The following LRRC49 variants were observed in gnomAD, a reference collection of about 807,000 sequenced individuals.
LRRC49 encodes leucine rich repeat containing 49, also known as leucine-rich repeat-containing protein 49.
Under a neutral mutation model 83.3 loss-of-function variants are expected in LRRC49, and 50 were observed. That is an observed-to-expected ratio of 0.60 (90% CI 0.48 to 0.76). The LOEUF is 0.76. LRRC49 is among the 30% of genes least tolerant of loss of function. The pLI, the probability that LRRC49 is intolerant of heterozygous loss-of-function variation, is 0.00. For missense variants in LRRC49, 704 were observed against 809.1 expected (o/e 0.87, Z 1.58); for synonymous variants, 286 against 283.3 (o/e 1.01, Z -0.10).
intron 12 of LRRC49, 197 bp from the exon 13 acceptor site, chr15:71,009,610 T>C (rs755089826): frequency 2.3e-6 from 1 of 438,492 alleles, no homozygotes; most frequent in Non-Finnish European, 4.0e-6. Flanking sequence ...ATTGGATGGA[T>C]TCCATCAATG....
rs79239232 is a variant in LRRC49, at chr15:70,883,063, C to T, written c.18+9840C>T. Among the ~76,000 whole-genome samples the T allele has an allele frequency of 6.4e-3, 975 of 152,248 alleles. 14 individuals are homozygous for T. The highest frequency in any genetic ancestry group is 0.021 in the African/African-American group (882 of 41,540). ...ACCTAGGCAAGGTGAATCTATAGTC[C>T]AACCTTTTATGAATTCTGCCATATT... is the stretch of plus-strand genomic sequence containing the variant. On this transcript the variant is annotated intron_variant, in intron 2 of 16. Transcript: ENST00000544974.
At chr15:70,908,730 G>A (rs144415341) in intron 5 of LRRC49, 1 of 152,414 alleles carries the variant, frequency 6.6e-6, no homozygotes, top group Admixed American at 6.5e-5. Flanking sequence ...CGTATTAGCA[G>A]AATTCAGGCC....
At chr15:71,006,956 C>T (rs2038480036) in intron 11 of LRRC49, among the ~76,000 whole-genome samples, 1 of 152,020 alleles carries the variant, frequency 6.6e-6, no homozygotes, top group Non-Finnish European at 1.5e-5. Context: ...TATCAGCCTT[C>T]ACCTTTCTAA....
chr15:70,922,327 A>G (rs929975056), intron 7 of LRRC49, among the ~76,000 whole-genome samples: 3 of 152,196 alleles, frequency 2.0e-5, no homozygotes, highest in Non-Finnish European at 4.4e-5. Context: ...ACATATACAC[A>G]GTGGAGTAGT....
At position 71,012,918 on chromosome 15, in the gene LRRC49, C is replaced by A; in HGVS notation, c.1703+5C>A. ...TTCCATTCTGGGTGATGCCAGGTAACCTTTAATTTTTGTAGTTTTTTATAG... is the reference window on the plus strand; with the variant it reads ...TTCCATTCTGGGTGATGCCAGGTAAACTTTAATTTTTGTAGTTTTTTATAG... On this transcript the variant is annotated splice_donor_5th_base_variant and intron_variant, in intron 14 of 15. Coordinates refer to ENST00000260382, the MANE Select transcript of LRRC49 (RefSeq NM_017691.5). The A allele has an allele frequency of 6.3e-7, 1 of 1,582,652 alleles. No individual in the cohort carries two copies. The highest frequency in any genetic ancestry group is 8.6e-7 in the Non-Finnish European group (1 of 1,159,374).
intron 7 of LRRC49, among the ~76,000 whole-genome samples, chr15:70,933,747 TG>T (rs1263227894): frequency 6.6e-6 from 1 of 152,226 alleles, no homozygotes; most frequent in Non-Finnish European, 1.5e-5. Context: ...TGGTTTAGGG[TG>T]GGTCTTTCAA....
intron 14 of LRRC49, among the ~76,000 whole-genome samples, chr15:71,026,421 G>A (rs1330161964): frequency 1.3e-5 from 2 of 152,000 alleles, no homozygotes; most frequent in Admixed American, 6.6e-5. Context: ...TAATCTTTTG[G>A]GTATATACCC....
chr15:70,892,435 G>C, upstream of LRRC49: 1 of 1,536,330 alleles, frequency 6.5e-7, no homozygotes, highest in Non-Finnish European at 8.7e-7. Context: ...TGGCGATCTG[G>C]GGCCCCCAAT....
intron 8 of LRRC49, among the ~76,000 whole-genome samples, chr15:70,948,495 G>GTTT (rs34256149): frequency 1.8e-4 from 25 of 140,730 alleles, no homozygotes; most frequent in East Asian, 4.1e-4. Context: ...CATTAGCAAA[G>GTTT]TTTTTTTTTT....
intron 4 of LRRC49, among the ~76,000 whole-genome samples, chr15:70,904,169 C>T (rs189292564): frequency 1.1e-4 from 16 of 152,122 alleles, no homozygotes; most frequent in Admixed American, 3.3e-4. Flanking sequence ...ATCGTTACAT[C>T]GGTGGATTGA....
At chr15:70,955,394 A>C (rs1344901557) in intron 8 of LRRC49, among the ~76,000 whole-genome samples, 1 of 152,196 alleles carries the variant, frequency 6.6e-6, no homozygotes, top group African/African-American at 2.4e-5. Flanking sequence ...ACAAGTAATA[A>C]GGGAAGAATT....
chr15:70,950,121 T>A (rs1398522109), intron 8 of LRRC49, among the ~76,000 whole-genome samples: 1 of 152,164 alleles, frequency 6.6e-6, no homozygotes, highest in African/African-American at 2.4e-5. Context: ...TCTGTATCCA[T>A]GTTGCTGCAA....
In LRRC49 at chr15:70,855,321, C is replaced by T. The variant is rs539330934; in HGVS notation, c.-299+1852C>T. Among the ~76,000 whole-genome samples, 28 of 132,850 alleles carry T rather than the reference C, an allele frequency of 2.1e-4. No homozygotes were observed. In the South Asian group the frequency reaches 5.8e-3, roughly 27 times the overall value. 87.2% of individuals were successfully genotyped at this position (132,850 alleles called of 152,430 possible). On this transcript the variant is annotated intron_variant, in intron 1 of 16. Coordinates refer to the LRRC49 transcript ENST00000544974. ...CTGCACTCCAGCCTGGGCAACAGAG[C>T]GAGACTCCGTCTCAAAAAAAAAAAA...
chr15:70,865,998 A>G (rs1433076765), intron 1 of LRRC49, among the ~76,000 whole-genome samples: 1 of 152,050 alleles, frequency 6.6e-6, no homozygotes, highest in African/African-American at 2.4e-5. Context: ...CATATTTTTG[A>G]CTCTGTTTAA....
intron 15 of LRRC49, among the ~76,000 whole-genome samples, chr15:71,038,194 T>C (rs1279289319): frequency 6.6e-6 from 1 of 152,128 alleles, no homozygotes; most frequent in Non-Finnish European, 1.5e-5. Flanking sequence ...ACGATTGATA[T>C]ATAATAGATA....
intron 8 of LRRC49, 76 bp from the exon 9 acceptor site, chr15:70,963,709 A>G (rs1435185335): frequency 1.3e-6 from 2 of 1,484,880 alleles, no homozygotes; most frequent in East Asian, 4.6e-5. Context: ...AACTGTGCTA[A>G]AAATAAAGTC....
chr15:71,000,149 CT>C (rs1464367961), intron 11 of LRRC49, among the ~76,000 whole-genome samples: 7 of 152,264 alleles, frequency 4.6e-5, no homozygotes, highest in African/African-American at 1.7e-4. Context: ...TTTTTCTTTT[CT>C]TCATTAAGTG....
At chr15:71,006,284 C>G (rs1325664709) in intron 11 of LRRC49, among the ~76,000 whole-genome samples, 3 of 152,024 alleles carry the variant, frequency 2.0e-5, no homozygotes, top group African/African-American at 7.2e-5. Flanking sequence ...TATTGTGGAG[C>G]TTATATTCTT....
At chr15:70,872,596 C>T (rs993692637) in intron 1 of LRRC49, among the ~76,000 whole-genome samples, 2 of 152,088 alleles carry the variant, frequency 1.3e-5, no homozygotes, top group East Asian at 1.9e-4. Context: ...GAGATGATGT[C>T]AAAGATAAAG....
Sources: gnomAD v4.1 joint callset for allele counts (sites outside exome capture counted in the v4.1 genomes callset) on GRCh38, gnomAD v4.1.1 for gene constraint, MANE v1.5 for transcripts, NCBI Gene and HGNC (gene_info 2026-07-23, HGNC 2026-07-21) for gene names.